TTC28: variants seen among roughly 807,000 people sequenced by gnomAD.
TTC28 encodes the protein tetratricopeptide repeat domain 28, also known as tetratricopeptide repeat protein 28.
Under a neutral mutation model 198.0 loss-of-function variants are expected in TTC28, and 61 were observed. That is an observed-to-expected ratio of 0.31 (90% CI 0.25 to 0.38). The LOEUF (loss-of-function observed/expected upper bound fraction) is 0.38, where lower values mean the gene tolerates loss of function less well. Ranked by LOEUF, TTC28 falls within the 10% of genes least tolerant of loss-of-function variation. The probability of loss-of-function intolerance (pLI) is 1.00; values close to 1 mark genes in which losing one functional copy is unlikely to be tolerated. For synonymous variants in TTC28, 1,171 were observed against 1,297.8 expected (o/e 0.90, Z 2.10); for missense variants, 2,678 against 3,164.0 (o/e 0.85, Z 3.69).
chr22:28,554,549 AC>A (rs2049756962), intron 2 of TTC28, among the ~76,000 whole-genome samples: 1 of 152,130 alleles, frequency 6.6e-6, no homozygotes, highest in Non-Finnish European at 1.5e-5. Flanking sequence ...ACTTAATTAA[AC>A]TTAAAAGCTT....
intron 6 of TTC28, among the ~76,000 whole-genome samples, chr22:28,133,898 G>A (rs183405470): frequency 3.0e-4 from 46 of 152,336 alleles, no homozygotes; most frequent in Non-Finnish European, 4.9e-4. Context: ...ATCTGAGAGC[G>A]GACAGACTGC....
chr22:28,318,074 T>TA (rs2045380419), intron 2 of TTC28, among the ~76,000 whole-genome samples: 1 of 79,690 alleles, frequency 1.3e-5, no homozygotes. Context: ...AGCTAATTAA[T>TA]TTTTTTTTTT....
intron 5 of TTC28, among the ~76,000 whole-genome samples, chr22:28,168,517 G>C (rs1217490360): frequency 5.9e-5 from 9 of 152,020 alleles, no homozygotes. Context: ...AAATAATGCC[G>C]CATATCTACA....
intron 2 of TTC28, among the ~76,000 whole-genome samples, chr22:28,433,218 C>T (rs528956806): frequency 3.9e-5 from 6 of 152,208 alleles, no homozygotes; most frequent in Non-Finnish European, 7.4e-5. Flanking sequence ...ATAAATTTCT[C>T]GGTATCTTCA....
Position 27,982,436 on chromosome 22 carries a change from G to A in TTC28, c.7231C>T (p.Leu2411Phe), listed in dbSNP as rs1937054466. Residue 2411 changes from leucine (L) to phenylalanine (F), a missense_variant, in exon 23 of 23, where the codon CTT (leucine) becomes TTT (phenylalanine). By Grantham distance (22) the Leu-to-Phe change is conservative. Transcript: ENST00000397906. This position sits in a 1 kb window ranked among gnomAD's most constrained non-coding sequence, Gnocchi z 5.2. ...TGCAGGGACAGCTCCTTCAGTTCAA[G>A]CTTATCCACTCCCTCCTCCTTCTTA... ...HNKKEEGVDK[L>F]ELKELSLQQH... 6.4e-7 allele frequency: 1 copy of A among 1,551,600 alleles called. No homozygotes were observed. The highest frequency in any genetic ancestry group is 8.7e-7 in the Non-Finnish European group (1 of 1,146,994).
intron 2 of TTC28, among the ~76,000 whole-genome samples, chr22:28,483,851 C>G (rs934225262): frequency 2.6e-5 from 4 of 152,200 alleles, no homozygotes; most frequent in Middle Eastern, 3.2e-3. Context: ...GTTCTAGTTC[C>G]TGCTTTACCA....
chr22:28,077,747 G>GA (rs1324602830), intron 12 of TTC28, among the ~76,000 whole-genome samples: 1 of 151,966 alleles, frequency 6.6e-6, no homozygotes, highest in African/African-American at 2.4e-5. Flanking sequence ...CACCAAAAGG[G>GA]AAAAAAATAA....
intron 2 of TTC28, among the ~76,000 whole-genome samples, chr22:28,626,283 T>G (rs2051075762): frequency 6.6e-6 from 1 of 152,116 alleles, no homozygotes; most frequent in Non-Finnish European, 1.5e-5. Flanking sequence ...TCAAAATCAT[T>G]TTCTCATTTA....
chr22:28,583,473 G>T (rs76484257), intron 2 of TTC28, among the ~76,000 whole-genome samples: 2,620 of 152,246 alleles, frequency 0.017, 41 homozygotes, highest in South Asian at 0.047. Flanking sequence ...ACAACAGAAG[G>T]TTAAGACAGA....
intron 2 of TTC28, among the ~76,000 whole-genome samples, chr22:28,463,117 G>C (rs1161873663): frequency 7.2e-5 from 10 of 137,984 alleles, no homozygotes; most frequent in South Asian, 2.2e-4. Context: ...TCCACAGAAG[G>C]AGGCTTTTGG....
intron 1 of TTC28, among the ~76,000 whole-genome samples, chr22:28,655,591 G>A (rs1365888257): frequency 1.3e-5 from 2 of 152,100 alleles, no homozygotes; most frequent in African/African-American, 2.4e-5. Flanking sequence ...ACCCTAGGCC[G>A]GGCGTGGTGG....
intron 2 of TTC28, among the ~76,000 whole-genome samples, chr22:28,520,137 C>T (rs1179688008): frequency 6.6e-6 from 1 of 152,076 alleles, no homozygotes; most frequent in African/African-American, 2.4e-5. Flanking sequence ...CATACAATCT[C>T]GGTTTGAGTC....
At chr22:28,488,377 T>A (rs1335804477) in intron 2 of TTC28, among the ~76,000 whole-genome samples, 1 of 152,232 alleles carries the variant, frequency 6.6e-6, no homozygotes, top group Non-Finnish European at 1.5e-5. Flanking sequence ...TGAATAAAGT[T>A]GCTTTCCTTT....
At chr22:28,390,317 C>CTGTTGATTTGGGGTGGAGAGTTCTGTAGT in intron 2 of TTC28, among the ~76,000 whole-genome samples, 1 of 152,094 alleles carries the variant, frequency 6.6e-6, no homozygotes, top group Non-Finnish European at 1.5e-5. Flanking sequence ...AATGCATATT[C>CTGTTGATTTGGGGTGGAGAGTTCTGTAGT]TGTTGATTTG....
At chr22:28,307,213 A>T (rs1041370481) in intron 2 of TTC28, among the ~76,000 whole-genome samples, 2 of 152,194 alleles carry the variant, frequency 1.3e-5, no homozygotes, top group Admixed American at 1.3e-4. Context: ...TGCTTTGCTT[A>T]GAAACCAAAA....
chr22:28,025,781 G>C (rs1157125325), intron 13 of TTC28, among the ~76,000 whole-genome samples: 1 of 152,200 alleles, frequency 6.6e-6, no homozygotes, highest in African/African-American at 2.4e-5. Context: ...GAGGCAGGAG[G>C]ATCACTTGAG....
At chr22:28,252,335 A>G (rs962715424) in intron 5 of TTC28, among the ~76,000 whole-genome samples, 1 of 152,212 alleles carries the variant, frequency 6.6e-6, no homozygotes, top group African/African-American at 2.4e-5. Context: ...TCTCTATTCC[A>G]ACTACTGAAA....
chr22:28,384,110 C>T (rs1251901279), intron 2 of TTC28, among the ~76,000 whole-genome samples: 1 of 152,230 alleles, frequency 6.6e-6, no homozygotes, highest in Non-Finnish European at 1.5e-5. Context: ...CCAGAAGCCA[C>T]ATGGCTTTTT....
chr22:28,098,785 TG>T, intron 10 of TTC28, 129 bp downstream of exon 10: 1 of 1,183,944 alleles, frequency 8.4e-7, no homozygotes, highest in Non-Finnish European at 1.2e-6. Context: ...GTTGTAGTTG[TG>T]GCTTCACAGT....
Sources: gnomAD v4.1 joint callset for allele counts (sites outside exome capture counted in the v4.1 genomes callset) on GRCh38, gnomAD v4.1.1 for gene constraint, Gnocchi (gnomAD v3.1) non-coding constraint, MANE v1.5 for transcripts, NCBI Gene and HGNC (gene_info 2026-07-23, HGNC 2026-07-21) for gene names.